Variants in CD84 observed in about 807,000 individuals in gnomAD.
CD84 encodes CD84 molecule, also known as SLAM family member 5.
In CD84, 22 loss-of-function variants were observed where a neutral mutation model predicts 33.8. The ratio of observed to expected loss-of-function variants is 0.65; its 90% confidence interval spans 0.46 to 0.93. The LOEUF (loss-of-function observed/expected upper bound fraction) is 0.93. Among genes scored for constraint, CD84 ranks in the 40% least tolerant of loss-of-function variants. The probability of loss-of-function intolerance (pLI) is 0.00; values close to 1 mark genes in which losing one functional copy is unlikely to be tolerated. For synonymous variants in CD84, 154 were observed against 145.2 expected, an observed-to-expected ratio of 1.06 and a Z score of -0.44; for missense variants, 400 against 397.6, an observed-to-expected ratio of 1.01 and a Z score of -0.05.
intron 1 of CD84, among the ~76,000 whole-genome samples, chr1:160,576,503 A>G (rs1488631704): frequency 6.6e-6 from 1 of 152,220 alleles, no homozygotes; most frequent in South Asian, 2.1e-4. Flanking sequence ...GTGGGTGGGT[A>G]TAGAGAAAGG....
intron 5 of CD84, 52 bp from the exon 6 acceptor site, chr1:160,550,031 GT>G: frequency 9.3e-7 from 1 of 1,080,296 alleles, no homozygotes; most frequent in South Asian, 1.3e-5. Context: ...CCATCTACAA[GT>G]CCCCTTTCCT....
chr1:160,558,277 G>A (rs942010883), intron 2 of CD84, among the ~76,000 whole-genome samples: 2 of 152,194 alleles, frequency 1.3e-5, no homozygotes, highest in Non-Finnish European at 2.9e-5. Flanking sequence ...TCCAGAAAAA[G>A]GAGCAGGCTG....
At chr1:160,553,074 C>G (rs1656344418) in intron 4 of CD84, 1 of 566,488 alleles carries the variant, frequency 1.8e-6, no homozygotes, top group East Asian at 3.0e-5. Context: ...CATGTGAGGG[C>G]CCTGAGCTGG....
intron 2 of CD84, among the ~76,000 whole-genome samples, chr1:160,557,960 T>C (rs1338087874): frequency 6.6e-6 from 1 of 152,208 alleles, no homozygotes; most frequent in Non-Finnish European, 1.5e-5. Flanking sequence ...GCCAGGGTTA[T>C]ACAGACAGAG....
intron 2 of CD84, among the ~76,000 whole-genome samples, chr1:160,557,085 G>A (rs1656657080): frequency 6.6e-6 from 1 of 151,902 alleles, no homozygotes; most frequent in African/African-American, 2.4e-5. Context: ...TTACTTTAAG[G>A]CAGGCACTAT....
chr1:160,574,560 G>A (rs1657884241), intron 1 of CD84, among the ~76,000 whole-genome samples: 1 of 152,088 alleles, frequency 6.6e-6, no homozygotes, highest in Non-Finnish European at 1.5e-5. Context: ...ATGACATGAG[G>A]GTGCTCTCAA....
intron 2 of CD84, among the ~76,000 whole-genome samples, 183 bp downstream of exon 2, chr1:160,565,221 A>G (rs1424210440): frequency 1.3e-5 from 2 of 152,182 alleles, no homozygotes; most frequent in Non-Finnish European, 2.9e-5. Flanking sequence ...ATAGCTAAAA[A>G]CAGGCAAAGT....
chr1:160,550,063 T>A (rs1338849161), intron 5 of CD84, 84 bp from the exon 6 acceptor site: 3 of 941,562 alleles, frequency 3.2e-6, no homozygotes, highest in South Asian at 2.6e-5. Flanking sequence ...CTACCCACCA[T>A]CCTTCCCTGG....
chr1:160,571,782 C>T (rs1361193170), intron 1 of CD84, among the ~76,000 whole-genome samples: 1 of 152,178 alleles, frequency 6.6e-6, no homozygotes, highest in African/African-American at 2.4e-5. Flanking sequence ...CCTCTCATAG[C>T]ACTTGCCACA....
At chr1:160,552,874 G>A (rs1656328829) in intron 4 of CD84, 2 of 680,882 alleles carry the variant, frequency 2.9e-6, no homozygotes, top group South Asian at 3.3e-5. Flanking sequence ...GATTCCTTGA[G>A]GGTCTAAGAT....
Position 160,544,145 on chromosome 1 carries a change from C to CTTTTTTTT in CD84, c.*4103_*4110dup, listed in dbSNP as rs34031902. 1 of 90,140 alleles carries CTTTTTTTT rather than the reference C, an allele frequency of 1.1e-5. No individual in the cohort carries two copies. Among genetic ancestry groups the CTTTTTTTT allele is most frequent in the Non-Finnish European group, 2.2e-5 (1 of 45,588 alleles). The allele number at this position is 90,140 out of a possible 1,614,324, so 5.6% of individuals were successfully genotyped here. A position where few individuals can be genotyped will look rare whatever the true frequency, so the allele number is the denominator to read the frequency against. On this transcript the variant is annotated 3_prime_UTR_variant, in exon 7 of 7. Transcript: ENST00000368054. ...CCTCTTATTGTCTTTGTTCTTCAAA[C>CTTTTTTTT]TTTTTTTTTTTTTTTTTTTTTTGAG...
At chr1:160,579,197 A>C (rs542544217) in intron 1 of CD84, among the ~76,000 whole-genome samples, 195 bp downstream of exon 1, 1 of 152,222 alleles carries the variant, frequency 6.6e-6, no homozygotes, top group African/African-American at 2.4e-5. Flanking sequence ...ATAAACTTTA[A>C]AGCTGAACCT....
chr1:160,549,460 T>C (rs1656044623), intron 6 of CD84, among the ~76,000 whole-genome samples: 1 of 152,136 alleles, frequency 6.6e-6, no homozygotes, highest in African/African-American at 2.4e-5. Flanking sequence ...GCACTACAAA[T>C]GGTTGTGCAG....
chr1:160,571,760 A>G (rs1413381369), intron 1 of CD84, among the ~76,000 whole-genome samples: 7 of 151,874 alleles, frequency 4.6e-5, no homozygotes, highest in Non-Finnish European at 1.0e-4. Flanking sequence ...CCTCTCTGGA[A>G]CTCCAGGTTT....
At chr1:160,578,708 A>T (rs1166607277) in intron 1 of CD84, among the ~76,000 whole-genome samples, 1 of 152,206 alleles carries the variant, frequency 6.6e-6, no homozygotes, top group East Asian at 1.9e-4. Context: ...TCTTTGTACA[A>T]ATAACAATCA....
At position 160,550,918 on chromosome 1, in the gene CD84, C is replaced by T. The variant is rs754760576; in HGVS notation, c.858+20G>A. On this transcript the variant is annotated intron_variant, in intron 5 of 6. Transcript: ENST00000368054. Reference sequence around the variant, plus strand: ...ATGGAGATGGTGGCACAGGGGTGTCCATGAATTGCATCAGCTCACCTTGGA... The same window carrying T: ...ATGGAGATGGTGGCACAGGGGTGTCTATGAATTGCATCAGCTCACCTTGGA... The T allele has an allele frequency of 2.5e-6, 4 of 1,611,124 alleles. No individual in the cohort carries two copies. The African/African-American group carries it at 4.0e-5, about 16-fold the overall frequency.
chr1:160,551,882 T>C (rs1656254660), intron 4 of CD84, among the ~76,000 whole-genome samples: 1 of 152,246 alleles, frequency 6.6e-6, no homozygotes. Flanking sequence ...AAGCACCTTC[T>C]ATGTGCCAGG....
In CD84 at chr1:160,541,540, G is replaced by A. The variant is rs926599048; in HGVS notation, c.*6716C>T. Reference sequence around the variant, plus strand: ...CAAATGCTGTAAAAGTATAAATAGAGGGCAATATATTTCGCTTTGGACGGG... The same window carrying A: ...CAAATGCTGTAAAAGTATAAATAGAAGGCAATATATTTCGCTTTGGACGGG... On this transcript the variant is annotated 3_prime_UTR_variant, in exon 7 of 7. Coordinates refer to ENST00000368054, the MANE Select transcript of CD84 (RefSeq NM_003874.4). 6.6e-6 allele frequency: 1 copy of A among 152,150 alleles called. No individual in the cohort carries two copies. The highest frequency in any genetic ancestry group is 1.5e-5 in the Non-Finnish European group (1 of 68,034). The allele number at this position is 152,150 out of a possible 1,614,324, so 9.4% of individuals were successfully genotyped here. A position where few individuals can be genotyped will look rare whatever the true frequency, so the allele number is the denominator to read the frequency against.
intron 2 of CD84, among the ~76,000 whole-genome samples, chr1:160,554,445 A>C (rs1028257402): frequency 2.0e-5 from 3 of 152,304 alleles, no homozygotes; most frequent in South Asian, 4.1e-4. Flanking sequence ...AAAATCAGCC[A>C]TGGTAGGAGT....
Sources: gnomAD v4.1 joint callset for allele counts (sites outside exome capture counted in the v4.1 genomes callset) on GRCh38, gnomAD v4.1.1 for gene constraint, MANE v1.5 for transcripts, NCBI Gene and HGNC (gene_info 2026-07-23, HGNC 2026-07-21) for gene names.